SIL1: variants seen among roughly 807,000 people sequenced by gnomAD.
SIL1 encodes the protein SIL1 nucleotide exchange factor, also known as nucleotide exchange factor SIL1.
Under a neutral mutation model 49.1 loss-of-function variants are expected in SIL1, and 40 were observed. The ratio of observed to expected loss-of-function variants is 0.81; its 90% confidence interval spans 0.63 to 1.06. The LOEUF (loss-of-function observed/expected upper bound fraction) is 1.06. SIL1 is among the 50% of genes least tolerant of loss of function. SIL1 has a pLI of 0.00. For synonymous variants in SIL1, 253 were observed against 250.8 expected (o/e 1.01, Z -0.08); for missense variants, 500 against 572.6 (o/e 0.87, Z 1.29).
At chr5:139,058,926 TTGGTA>T (rs1463421240) in intron 3 of SIL1, among the ~76,000 whole-genome samples, 2 of 151,676 alleles carry the variant, frequency 1.3e-5, no homozygotes, top group African/African-American at 4.9e-5. Flanking sequence ...TACTAGGGTG[TTGGTA>T]TTTCTAAGCC....
chr5:139,131,468 C>T (rs1561874152), intron 1 of SIL1: 2 of 152,208 alleles, frequency 1.3e-5, no homozygotes, highest in South Asian at 4.2e-4. Flanking sequence ...CATCTGCAGC[C>T]ATGAAGGAAA....
intron 1 of SIL1, among the ~76,000 whole-genome samples, chr5:139,158,194 T>C (rs1309730770): frequency 6.6e-6 from 1 of 152,230 alleles, no homozygotes; most frequent in Non-Finnish European, 1.5e-5. Flanking sequence ...AAAGCAGGTC[T>C]GACTCCAAAG....
chr5:139,147,928 G>A (rs1035094033), intron 1 of SIL1, among the ~76,000 whole-genome samples: 1 of 152,098 alleles, frequency 6.6e-6, no homozygotes, highest in African/African-American at 2.4e-5. Context: ...ATGTGGAAGG[G>A]GAGGAGCCCA....
intron 1 of SIL1, among the ~76,000 whole-genome samples, chr5:139,176,742 T>G (rs1221888368): frequency 6.6e-6 from 1 of 151,990 alleles, no homozygotes; most frequent in Admixed American, 6.6e-5. Context: ...GGAGCCCTCA[T>G]GACCTAATCA....
At chr5:139,173,193 A>G (rs1230666512) in intron 1 of SIL1, among the ~76,000 whole-genome samples, 2 of 152,174 alleles carry the variant, frequency 1.3e-5, no homozygotes, top group Non-Finnish European at 2.9e-5. Context: ...CAGTGTTATA[A>G]CTTCAGGATG....
chr5:139,025,201 C>T (rs1768617781), intron 6 of SIL1, among the ~76,000 whole-genome samples: 1 of 152,102 alleles, frequency 6.6e-6, no homozygotes, highest in South Asian at 2.1e-4. Flanking sequence ...AAATCAATGG[C>T]TTTTATTGGC....
chr5:139,054,557 T>C (rs1296451398), intron 3 of SIL1, among the ~76,000 whole-genome samples: 1 of 152,244 alleles, frequency 6.6e-6, no homozygotes, highest in African/African-American at 2.4e-5. Context: ...ATGTTAATAG[T>C]TATTTTTAGT....
At chr5:139,119,840 G>A (rs1008682929) in intron 3 of SIL1, among the ~76,000 whole-genome samples, 3 of 152,186 alleles carry the variant, frequency 2.0e-5, no homozygotes, top group Admixed American at 6.5e-5. Flanking sequence ...CCCTACCCCT[G>A]ACAGCCTCTG....
At chr5:139,067,150 G>T (rs755988655) in intron 3 of SIL1, among the ~76,000 whole-genome samples, 1 of 152,202 alleles carries the variant, frequency 6.6e-6, no homozygotes, top group Non-Finnish European at 1.5e-5. Flanking sequence ...GAAATGTGGG[G>T]CAGAAGGATG....
chr5:138,963,965 G>A (rs1767081236), intron 7 of SIL1, among the ~76,000 whole-genome samples: 1 of 152,226 alleles, frequency 6.6e-6, no homozygotes, highest in Non-Finnish European at 1.5e-5. Flanking sequence ...CTCACTGGAG[G>A]CTGAGAAAAA....
chr5:139,041,743 G>A (rs1769051391), intron 5 of SIL1, among the ~76,000 whole-genome samples: 2 of 151,260 alleles, frequency 1.3e-5, no homozygotes, highest in South Asian at 4.2e-4. Flanking sequence ...GGTGGACCTT[G>A]CAGTGAGCCA....
intron 7 of SIL1, among the ~76,000 whole-genome samples, chr5:139,008,354 TTTTC>T (rs1411792975): frequency 5.6e-5 from 8 of 142,936 alleles, no homozygotes; most frequent in Admixed American, 1.4e-4. Flanking sequence ...TTCTCTCTTT[TTTTC>T]TTTATTAGTC....
At chr5:139,035,040 T>C (rs1768871416) in intron 5 of SIL1, 1 of 184,390 alleles carries the variant, frequency 5.4e-6, no homozygotes, top group Non-Finnish European at 1.1e-5. Flanking sequence ...CTTTTTTTCA[T>C]ATGATTGTTG....
chr5:139,109,717 AG>A (rs1428297917), intron 3 of SIL1, among the ~76,000 whole-genome samples: 1 of 144,322 alleles, frequency 6.9e-6, no homozygotes, highest in Non-Finnish European at 1.5e-5. Flanking sequence ...AAAAAAAAGC[AG>A]TTTTCTTCCT....
intron 5 of SIL1, among the ~76,000 whole-genome samples, chr5:139,037,563 T>G (rs1768945360): frequency 6.6e-6 from 1 of 152,356 alleles, no homozygotes; most frequent in South Asian, 2.1e-4. Flanking sequence ...TTGTTCAGAC[T>G]GTGTAATTTT....
Position 139,034,782 on chromosome 5 carries a change from C to T in SIL1, c.454-7790G>A, listed in dbSNP as rs1399526713. ...AATTTCTATTCCTTTAGGTATATACCCAGTAATGGGATTGCTGGGTCAAAT... is the reference window on the plus strand; with the variant it reads ...AATTTCTATTCCTTTAGGTATATACTCAGTAATGGGATTGCTGGGTCAAAT... On this transcript the variant is annotated intron_variant, in intron 5 of 9. Coordinates refer to ENST00000394817, the MANE Select transcript of SIL1 (RefSeq NM_022464.5). Among the ~76,000 whole-genome samples, 7 of 152,214 alleles carry T rather than the reference C, an allele frequency of 4.6e-5. No homozygotes were observed. The East Asian group carries it at 1.2e-3, about 25-fold the overall frequency.
chr5:139,149,349 A>G (rs1312239824), intron 1 of SIL1, among the ~76,000 whole-genome samples: 1 of 152,244 alleles, frequency 6.6e-6, no homozygotes, highest in Admixed American at 6.5e-5. Context: ...CATACTGCCT[A>G]CTAGGGACCA....
At chr5:139,110,711 C>T (rs1770821424) in intron 3 of SIL1, among the ~76,000 whole-genome samples, 1 of 152,226 alleles carries the variant, frequency 6.6e-6, no homozygotes, top group Non-Finnish European at 1.5e-5. Flanking sequence ...AGATCAGTGG[C>T]TAGTGGGGTG....
chr5:139,011,985 C>T (rs1768285361), intron 7 of SIL1, among the ~76,000 whole-genome samples: 1 of 152,024 alleles, frequency 6.6e-6, no homozygotes, highest in Non-Finnish European at 1.5e-5. Context: ...TTATCTATAC[C>T]CCGACTCAGC....
Sources: allele counts gnomAD v4.1 joint callset (sites outside exome capture counted in the v4.1 genomes callset), GRCh38; gene constraint gnomAD v4.1.1; transcripts MANE v1.5; gene names NCBI Gene and HGNC (gene_info 2026-07-23, HGNC 2026-07-21).